The following RABEPK variants were observed in gnomAD, a reference collection of about 807,000 sequenced individuals.
RABEPK encodes the protein 40 kDa Rab9 effector protein.
A neutral mutation model predicts 34.1 loss-of-function variants in RABEPK; 27 were observed. That is an observed-to-expected ratio of 0.79 (90% CI 0.58 to 1.09). The LOEUF (loss-of-function observed/expected upper bound fraction) is 1.09, where lower values mean the gene tolerates loss of function less well. Among genes scored for constraint, RABEPK ranks in the 50% least tolerant of loss-of-function variants. The pLI is 0.00. For missense variants in RABEPK, 449 were observed against 462.6 expected (o/e 0.97, Z 0.27); for synonymous variants, 172 against 169.2 (o/e 1.02, Z -0.13).
intron 4 of RABEPK, among the ~76,000 whole-genome samples, chr9:125,218,815 G>A (rs986594520): frequency 3.3e-5 from 5 of 151,892 alleles, no homozygotes; most frequent in Admixed American, 6.6e-5. Flanking sequence ...AACCTCAACC[G>A]CTGCAGGCTC....
At position 125,228,375 on chromosome 9, in the gene RABEPK, G is replaced by T. The variant is rs151037313; in HGVS notation, c.676+316G>T. On this transcript the variant is annotated intron_variant, in intron 6 of 7. Coordinates refer to ENST00000373538, the MANE Select transcript of RABEPK (RefSeq NM_005833.4). ...GCTTTGAAAGAATATGGCCTTGCTT[G>T]GCCAGGTGCAATGGCTCATGCCTGT... Among the ~76,000 whole-genome samples the T allele has an allele frequency of 2.0e-5, 3 of 152,220 alleles. No homozygotes were observed. The East Asian group carries it at 5.8e-4, about 29-fold the overall frequency.
Position 125,207,592 on chromosome 9 carries a change from C to A in RABEPK, c.82C>A (p.Pro28Thr). The A allele has an allele frequency of 6.2e-7, 1 of 1,614,058 alleles. No individual in the cohort carries two copies. The highest frequency in any genetic ancestry group is 8.5e-7 in the Non-Finnish European group (1 of 1,179,968). The stretch of plus-strand genomic sequence containing the variant: ...CACCTTGACTGTCCCTGGAGACAGC[C>A]CCTGTGCTCGAGTTGGCCACAGCTG... The part of the protein sequence containing the change: ...WYTLTVPGDS[P>T]CARVGHSCSY... Residue 28 changes from proline to threonine, a missense_variant, in exon 3 of 8, where the codon CCC becomes ACC. By Grantham distance (38) the Pro-to-Thr change is conservative. Coordinates refer to ENST00000373538, the MANE Select transcript of RABEPK (RefSeq NM_005833.4).
intron 2 of RABEPK, among the ~76,000 whole-genome samples, chr9:125,206,164 C>T (rs1306312736): frequency 6.6e-6 from 1 of 152,034 alleles, no homozygotes; most frequent in East Asian, 1.9e-4. Flanking sequence ...TTTTCTTTTC[C>T]AATCAGGAAG....
Position 125,233,809 on chromosome 9 carries a change from T to C in RABEPK, c.948T>C (p.Ser316=), listed in dbSNP as rs755715514. The C allele has an allele frequency of 6.2e-7, 1 of 1,614,148 alleles. No individual in the cohort carries two copies. Among genetic ancestry groups the C allele is most frequent in the Admixed American group, 1.7e-5 (1 of 59,998 alleles). The change falls in exon 8 of 8, where the codon TCT becomes TCC. Residue 316 remains serine, a synonymous_variant. Coordinates refer to ENST00000373538, the MANE Select transcript of RABEPK (RefSeq NM_005833.4). ...CTTCTGAGAAAGAAGATTCCAACTC[T>C]CTCACTCTGAACCATGAAGCTGAGA... ...TCASEKEDSN[S]LTLNHEAEKE... is the part of the protein sequence containing the mutation.
rs531336174 is a variant in RABEPK, at chr9:125,216,401, G to A, written c.364+2879G>A. 4.2e-4 allele frequency among the ~76,000 whole-genome samples: 63 copies of A among 150,832 alleles called. 1 individual carries two copies. In the South Asian group the frequency reaches 6.5e-3, roughly 16 times the overall value. ...CTACTACATTTGTTGAGTATTGCCC[G>A]ATAAAAAAATTAAAATTAAAAAAAA... On this transcript the variant is annotated intron_variant, in intron 4 of 7. Transcript: ENST00000373538.
At chr9:125,227,171 A>AAAT (rs910199382) in intron 5 of RABEPK, among the ~76,000 whole-genome samples, 4 of 151,778 alleles carry the variant, frequency 2.6e-5, no homozygotes, top group Non-Finnish European at 4.4e-5. Flanking sequence ...ACTTTGTCTC[A>AAAT]AATAATAATA....
At position 125,200,738 on chromosome 9, in the gene RABEPK, GAA is replaced by G. The variant is rs1829854846; in HGVS notation, c.-174_-173del. 4.2e-6 allele frequency: 2 copies of G among 471,108 alleles called. No homozygotes were observed. Among genetic ancestry groups the G allele is most frequent in the African/African-American group, 4.0e-5 (2 of 50,098 alleles). 29.2% of individuals were successfully genotyped at this position (471,108 alleles called of 1,614,324 possible). On this transcript the variant is annotated 5_prime_UTR_variant, in exon 1 of 8. Coordinates refer to ENST00000373538, the MANE Select transcript of RABEPK (RefSeq NM_005833.4). ...TGGCTCCGTCCCGGCCACTTTGACC[GAA>G]TCAGCCTGTTCTTTCCCGACCCCGT...
At chr9:125,204,510 G>A (rs375081437) in intron 2 of RABEPK, among the ~76,000 whole-genome samples, 2 of 152,242 alleles carry the variant, frequency 1.3e-5, no homozygotes, top group East Asian at 3.9e-4. Flanking sequence ...GAACCTGGGA[G>A]GTGGAGGTTG....
intron 1 of RABEPK, among the ~76,000 whole-genome samples, chr9:125,202,267 T>G (rs1829957786): frequency 6.6e-6 from 1 of 151,384 alleles, no homozygotes; most frequent in Non-Finnish European, 1.5e-5. Flanking sequence ...ATGCCTGTAA[T>G]CCCAGCACTT....
intron 4 of RABEPK, among the ~76,000 whole-genome samples, chr9:125,218,715 GTCTCTC>G (rs369535263): frequency 6.6e-6 from 1 of 150,966 alleles, no homozygotes; most frequent in Non-Finnish European, 1.5e-5. Context: ...CACTTTATCT[GTCTCTC>G]TCTCTCTCTC....
chr9:125,223,725 TAAAA>T (rs35661565), intron 5 of RABEPK, among the ~76,000 whole-genome samples: 15,094 of 119,618 alleles, frequency 0.13, 974 homozygotes, highest in Non-Finnish European at 0.16. Flanking sequence ...ACCCTGACTC[TAAAA>T]AAAAAAAAAA....
Position 125,233,615 on chromosome 9 carries a change from T to A in RABEPK, c.827-73T>A, listed in dbSNP as rs546039282. 2.7e-3 allele frequency: 4,020 copies of A among 1,494,874 alleles called. 10 individuals are homozygous for A. Among genetic ancestry groups the A allele is most frequent in the Non-Finnish European group, 3.2e-3 (3,492 of 1,093,738 alleles). The allele number at this position is 1,494,874 out of a possible 1,614,324, so 92.6% of individuals were successfully genotyped here. A position where few individuals can be genotyped will look rare whatever the true frequency, so the allele number is the denominator to read the frequency against. ...CTTCGGCCTCCCAAAGTGCTGGGAT[T>A]ACAGGCGTGAGCCACCGTGCCCGGC... On this transcript the variant is annotated intron_variant, in intron 7 of 7. Transcript: ENST00000373538.
intron 5 of RABEPK, among the ~76,000 whole-genome samples, chr9:125,223,003 C>T (rs1459022259): frequency 6.6e-6 from 1 of 151,950 alleles, no homozygotes; most frequent in Non-Finnish European, 1.5e-5. Context: ...GTGCTTAGGC[C>T]AGGCGCGGTG....
rs1375571207 is a variant in RABEPK, at chr9:125,221,668, TTTTTTC to T, written c.526+980_526+985del. ...GCCTCAGGTACATGCCTGGGTGATT[TTTTTTC>T]TTTTTCTTTTTTTTTTTTTGAGATG... is the stretch of plus-strand genomic sequence containing the variant. On this transcript the variant is annotated intron_variant, in intron 5 of 7. Transcript: ENST00000373538. 5.3e-5 allele frequency: 8 copies of T among 151,712 alleles called. No individual in the cohort carries two copies. The South Asian group carries it at 8.3e-4, about 16-fold the overall frequency. 9.4% of individuals were successfully genotyped at this position (151,712 alleles called of 1,614,324 possible).
At chr9:125,208,960 C>G (rs1425272618) in intron 3 of RABEPK, among the ~76,000 whole-genome samples, 2 of 152,068 alleles carry the variant, frequency 1.3e-5, no homozygotes, top group East Asian at 3.8e-4. Context: ...CCAAGTTTAC[C>G]CCCTATACAG....
intron 3 of RABEPK, among the ~76,000 whole-genome samples, chr9:125,210,403 CAAAAAAAAAAAA>C (rs775128302): frequency 1.5e-5 from 1 of 67,876 alleles, no homozygotes; most frequent in African/African-American, 6.0e-5. Context: ...GTCTCCGTCT[CAAAAAAAAAAAA>C]AAAAAAAAAG....
chr9:125,220,353 G>C, intron 4 of RABEPK, 186 bp from the exon 5 acceptor site: 2 of 1,460,544 alleles, frequency 1.4e-6, no homozygotes, highest in East Asian at 2.5e-5. Context: ...ATTTTGGACT[G>C]TCTTGGCAAA....
In RABEPK at chr9:125,232,849, A is replaced by T. The variant is rs1039393854; in HGVS notation, c.826+104A>T. ...TCCCAGCACTTTGGGAGGCCGAGGC[A>T]GGCAGATCACGAGGTCAGGAGATCG... On this transcript the variant is annotated intron_variant, in intron 7 of 7. Transcript: ENST00000373538. 3 of 1,212,340 alleles carry T rather than the reference A, an allele frequency of 2.5e-6. No homozygotes were observed. In the African/African-American group the frequency reaches 4.6e-5, roughly 18 times the overall value. The allele number at this position is 1,212,340 out of a possible 1,614,324, so 75.1% of individuals were successfully genotyped here.
chr9:125,223,059 A>G (rs1011370967), intron 5 of RABEPK, among the ~76,000 whole-genome samples: 1 of 152,062 alleles, frequency 6.6e-6, no homozygotes, highest in Non-Finnish European at 1.5e-5. Context: ...AGGCGGGTGG[A>G]TCATGAGGTC....
Sources: gnomAD v4.1 joint callset for allele counts (sites outside exome capture counted in the v4.1 genomes callset) on GRCh38, gnomAD v4.1.1 for gene constraint, MANE v1.5 for transcripts, NCBI Gene and HGNC (gene_info 2026-07-23, HGNC 2026-07-21) for gene names.